LHFPL4: variants seen among roughly 807,000 people sequenced by gnomAD.
LHFPL4 encodes the protein LHFPL tetraspan subfamily member 4, also known as LHFPL tetraspan subfamily member 4 protein.
In LHFPL4, 6 loss-of-function variants were observed where a neutral mutation model predicts 20.0. That is an observed-to-expected ratio of 0.30 (90% CI 0.16 to 0.59). The LOEUF is 0.59. LHFPL4 is among the 20% of genes least tolerant of loss of function. The pLI is 0.88. For synonymous variants in LHFPL4, 129 were observed against 143.8 expected (o/e 0.90, Z 0.74); for missense variants, 215 against 331.2 (o/e 0.65, Z 2.72).
chr3:9,512,295 G>C (rs1405983992), intron 2 of LHFPL4, among the ~76,000 whole-genome samples: 1 of 152,198 alleles, frequency 6.6e-6, no homozygotes, highest in Non-Finnish European at 1.5e-5. Context: ...GTGAAATGAG[G>C]ATCATGACAT....
rs1486143476 is a variant in LHFPL4 at position 9,501,125 on chromosome 3, G to C, written c.*1086C>G. ...GACAGGGTAACAAGGCTTAGGAAGG[G>C]GGACAGGGGTACCCTGTTCAGAGAT... On this transcript the variant is annotated 3_prime_UTR_variant, in exon 4 of 4. Coordinates refer to ENST00000287585, the MANE Select transcript of LHFPL4 (RefSeq NM_198560.3). The C allele has an allele frequency of 6.5e-6, 1 of 153,432 alleles. No individual in the cohort carries two copies. The allele number at this position is 153,432 out of a possible 1,614,324, so 9.5% of individuals were successfully genotyped here.
At chr3:9,553,143 G>A (rs1052954595) in intron 1 of LHFPL4, among the ~76,000 whole-genome samples, 2 of 151,802 alleles carry the variant, frequency 1.3e-5, no homozygotes, top group African/African-American at 2.4e-5. Flanking sequence ...AGCTCAGAAG[G>A]GAATTTGGGG....
intron 2 of LHFPL4, among the ~76,000 whole-genome samples, chr3:9,510,188 T>G (rs1193496765): frequency 6.6e-6 from 1 of 152,188 alleles, no homozygotes; most frequent in Admixed American, 6.5e-5. Context: ...GGGTGGCTCA[T>G]GCCTGTAGTC....
chr3:9,534,216 T>TAA (rs774766910), intron 2 of LHFPL4, among the ~76,000 whole-genome samples: 2 of 142,272 alleles, frequency 1.4e-5, no homozygotes. Flanking sequence ...GACCTTTTCT[T>TAA]AAAAAAAAAA....
At chr3:9,534,846 T>C (rs1425126319) in intron 2 of LHFPL4, among the ~76,000 whole-genome samples, 1 of 152,218 alleles carries the variant, frequency 6.6e-6, no homozygotes, top group East Asian at 1.9e-4. Flanking sequence ...TGACTGAGCT[T>C]GCCAATTTAC....
intron 2 of LHFPL4, among the ~76,000 whole-genome samples, chr3:9,535,390 G>T (rs972216195): frequency 2.6e-5 from 4 of 152,074 alleles, no homozygotes; most frequent in Admixed American, 1.3e-4. Flanking sequence ...GTTATCCAGG[G>T]TCACACAACT....
chr3:9,513,472 C>T (rs934119820), intron 2 of LHFPL4, among the ~76,000 whole-genome samples: 1 of 152,066 alleles, frequency 6.6e-6, no homozygotes, highest in African/African-American at 2.4e-5. Context: ...GCTGGGACCA[C>T]AGGTATGTGC....
At chr3:9,508,870 G>A (rs958604906) in intron 2 of LHFPL4, among the ~76,000 whole-genome samples, 1 of 152,124 alleles carries the variant, frequency 6.6e-6, no homozygotes, top group Non-Finnish European at 1.5e-5. Context: ...CCCTATTCCC[G>A]GACTCTAAAT....
intron 2 of LHFPL4, among the ~76,000 whole-genome samples, chr3:9,536,623 C>T (rs1397359690): frequency 6.6e-6 from 1 of 152,158 alleles, no homozygotes; most frequent in Admixed American, 6.6e-5. Context: ...CTTGCTCCAC[C>T]ATCACCTGTT....
chr3:9,553,082 T>C (rs1035785167), intron 1 of LHFPL4, among the ~76,000 whole-genome samples: 1 of 149,666 alleles, frequency 6.7e-6, no homozygotes, highest in South Asian at 2.1e-4. Context: ...GGAGGTGGAA[T>C]GGAGGCTGGA....
intron 3 of LHFPL4, among the ~76,000 whole-genome samples, chr3:9,503,854 C>A (rs1010679426): frequency 6.6e-6 from 1 of 152,050 alleles, no homozygotes; most frequent in Non-Finnish European, 1.5e-5. Flanking sequence ...GGGGAAACCT[C>A]GTCTCTACAA....
intron 2 of LHFPL4, among the ~76,000 whole-genome samples, chr3:9,509,247 C>CG (rs370787567): frequency 1.6e-5 from 2 of 126,032 alleles, no homozygotes; most frequent in South Asian, 2.8e-4. Flanking sequence ...TCGCACCCCC[C>CG]TCTCTCTCTC....
chr3:9,534,381 T>C (rs1163994356), intron 2 of LHFPL4, among the ~76,000 whole-genome samples: 1 of 152,160 alleles, frequency 6.6e-6, no homozygotes, highest in Admixed American at 6.6e-5. Flanking sequence ...GCTCCTTATG[T>C]GCTGGTGTGG....
At chr3:9,541,163 C>G (rs1215981766) in intron 2 of LHFPL4, among the ~76,000 whole-genome samples, 1 of 151,750 alleles carries the variant, frequency 6.6e-6, no homozygotes, top group Non-Finnish European at 1.5e-5. Context: ...AGGCTGGTCT[C>G]GAACTCCTGG....
At chr3:9,517,615 G>A (rs1328596316) in intron 2 of LHFPL4, among the ~76,000 whole-genome samples, 1 of 147,550 alleles carries the variant, frequency 6.8e-6, no homozygotes, top group Non-Finnish European at 1.5e-5. Flanking sequence ...AAGATTGGTT[G>A]AGCCCAGGCC....
In LHFPL4 at chr3:9,536,796, T is replaced by TA. The variant is rs1001555491; in HGVS notation, c.406+15477dup. 9.9e-4 allele frequency among the ~76,000 whole-genome samples: 144 copies of TA among 145,956 alleles called. 1 individual carries two copies. Among genetic ancestry groups the TA allele is most frequent in the South Asian group, 9.3e-3 (43 of 4,602 alleles). On this transcript the variant is annotated intron_variant, in intron 2 of 3. Transcript: ENST00000287585. ...GTGCAACATAGTGAGACCCTATCTC[T>TA]AAAAAAAAAATTAGCAGGAGGCTGA...
At chr3:9,536,357 G>C (rs2125664594) in intron 2 of LHFPL4, among the ~76,000 whole-genome samples, 1 of 152,216 alleles carries the variant, frequency 6.6e-6, no homozygotes, top group Middle Eastern at 3.4e-3. Flanking sequence ...GCCCCTATCA[G>C]CTCCTAGGAG....
At chr3:9,508,540 C>G (rs1054584490) in intron 2 of LHFPL4, among the ~76,000 whole-genome samples, 5 of 152,222 alleles carry the variant, frequency 3.3e-5, no homozygotes, top group Admixed American at 2.0e-4. Flanking sequence ...ACATGCAAAT[C>G]TGGGGACTCT....
chr3:9,528,022 A>G (rs970266123), intron 2 of LHFPL4, among the ~76,000 whole-genome samples: 10 of 152,246 alleles, frequency 6.6e-5, no homozygotes, highest in Non-Finnish European at 1.5e-4. Flanking sequence ...CCCAATGTGT[A>G]TACCTTAGTT....
Sources: gnomAD v4.1 joint callset for allele counts (sites outside exome capture counted in the v4.1 genomes callset) on GRCh38, gnomAD v4.1.1 for gene constraint, MANE v1.5 for transcripts, NCBI Gene and HGNC (gene_info 2026-07-23, HGNC 2026-07-21) for gene names.